The following CTNND2 variants were observed in gnomAD, a reference collection of about 807,000 sequenced individuals.
The protein encoded by CTNND2 is catenin delta-2.
In CTNND2, 22 loss-of-function variants were observed where a neutral mutation model predicts 144.4. That is an observed-to-expected ratio of 0.15 (90% confidence interval 0.11 to 0.22). The LOEUF (loss-of-function observed/expected upper bound fraction) is 0.22, where lower values mean the gene tolerates loss of function less well. Ranked by LOEUF, CTNND2 falls within the 10% of genes least tolerant of loss-of-function variation. The pLI, the probability that CTNND2 is intolerant of heterozygous loss-of-function variation, is 1.00. For synonymous variants in CTNND2, 751 were observed against 695.6 expected (o/e 1.08, Z -1.25); for missense variants, 1,353 against 1,618.8 (o/e 0.84, Z 2.82).
intron 18 of CTNND2, among the ~76,000 whole-genome samples, chr5:10,996,441 G>C (rs1267534155): frequency 7.4e-6 from 1 of 134,534 alleles, no homozygotes; most frequent in Non-Finnish European, 1.6e-5. Context: ...CTCCAAGAAG[G>C]ACGTCTGTTC....
chr5:11,280,394 A>C (rs974441210), intron 9 of CTNND2, among the ~76,000 whole-genome samples: 18 of 152,318 alleles, frequency 1.2e-4, no homozygotes, highest in Non-Finnish European at 2.5e-4. Flanking sequence ...ATAGTTCCGG[A>C]GGGTGGTTAA....
chr5:11,238,753 T>C (rs999072450), intron 9 of CTNND2, among the ~76,000 whole-genome samples: 4 of 151,724 alleles, frequency 2.6e-5, no homozygotes, highest in Middle Eastern at 3.2e-3. Flanking sequence ...ACTATATATA[T>C]ACACACACAC....
intron 3 of CTNND2, among the ~76,000 whole-genome samples, chr5:11,454,742 A>T (rs1308278633): frequency 6.6e-6 from 1 of 151,968 alleles, no homozygotes; most frequent in East Asian, 1.9e-4. Context: ...CTGGGACTAC[A>T]GGAACGCACC....
chr5:11,172,677 G>A (rs1760048664), intron 11 of CTNND2, among the ~76,000 whole-genome samples: 1 of 152,220 alleles, frequency 6.6e-6, no homozygotes, highest in Admixed American at 6.5e-5. Context: ...AGGATGGAGA[G>A]CGCCAATGGG....
chr5:11,306,364 T>G (rs1414618386), intron 9 of CTNND2, among the ~76,000 whole-genome samples: 1 of 152,222 alleles, frequency 6.6e-6, no homozygotes, highest in Non-Finnish European at 1.5e-5. Flanking sequence ...CACTTATCCC[T>G]TCTTTCTTTG....
chr5:11,810,268 C>A (rs974361073), intron 1 of CTNND2, among the ~76,000 whole-genome samples: 9 of 151,886 alleles, frequency 5.9e-5, no homozygotes, highest in African/African-American at 2.2e-4. Context: ...AAGATTATGA[C>A]GTAAGCTTTA....
chr5:11,589,276 C>T (rs969582001), intron 2 of CTNND2, among the ~76,000 whole-genome samples: 5 of 132,964 alleles, frequency 3.8e-5, no homozygotes, highest in Middle Eastern at 4.0e-3. Flanking sequence ...TGTATGTTAA[C>T]ATTAAAACAC....
intron 13 of CTNND2, among the ~76,000 whole-genome samples, chr5:11,114,951 A>T (rs1487703215): frequency 6.7e-6 from 1 of 148,872 alleles, no homozygotes; most frequent in Non-Finnish European, 1.5e-5. Flanking sequence ...GAGTAACATC[A>T]CATCTGATCC....
intron 1 of CTNND2, among the ~76,000 whole-genome samples, chr5:11,881,988 C>T (rs1736152970): frequency 6.6e-6 from 1 of 151,892 alleles, no homozygotes; most frequent in South Asian, 2.1e-4. Flanking sequence ...ATGATTAGAG[C>T]TGTAGATCAT....
intron 2 of CTNND2, among the ~76,000 whole-genome samples, chr5:11,632,344 G>A (rs1781455087): frequency 6.6e-6 from 1 of 152,184 alleles, no homozygotes; most frequent in Non-Finnish European, 1.5e-5. Context: ...CTGCGGTGAG[G>A]AGGAGGACAT....
At chr5:11,152,692 T>C (rs560521058) in intron 12 of CTNND2, among the ~76,000 whole-genome samples, 4 of 152,272 alleles carry the variant, frequency 2.6e-5, no homozygotes, top group Middle Eastern at 3.4e-3. Context: ...CAGCCAACTG[T>C]CTTTTCTGAG....
At chr5:11,351,660 A>T (rs1755353198) in intron 8 of CTNND2, among the ~76,000 whole-genome samples, 1 of 152,208 alleles carries the variant, frequency 6.6e-6, no homozygotes, top group East Asian at 1.9e-4. Flanking sequence ...ATAAAATACA[A>T]GAATCTGGGC....
chr5:11,328,463 G>A (rs1463658645), intron 9 of CTNND2, among the ~76,000 whole-genome samples: 1 of 151,168 alleles, frequency 6.6e-6, no homozygotes, highest in East Asian at 2.0e-4. Flanking sequence ...CTTTTTTTTT[G>A]TTGTTGTTTT....
intron 3 of CTNND2, among the ~76,000 whole-genome samples, chr5:11,471,252 C>G (rs1478534072): frequency 1.3e-5 from 2 of 151,954 alleles, no homozygotes; most frequent in Admixed American, 6.6e-5. Context: ...GCTGGGATTA[C>G]AGGCCTGAGC....
intron 16 of CTNND2, among the ~76,000 whole-genome samples, chr5:11,046,017 A>G (rs2973486): frequency 0.43 from 65,526 of 151,904 alleles, 15,525 homozygotes; most frequent in East Asian, 0.82. Context: ...CTGCTGGCTC[A>G]GCAGCTGTTG....
intron 2 of CTNND2, among the ~76,000 whole-genome samples, chr5:11,666,462 T>C (rs1004969056): frequency 2.0e-5 from 3 of 152,222 alleles, no homozygotes; most frequent in African/African-American, 2.4e-5. Context: ...AGAGTTTTCA[T>C]AGATGGGATT....
intron 19 of CTNND2, 136 bp downstream of exon 19, chr5:10,992,415 A>G (rs1738785748): frequency 3.2e-6 from 4 of 1,245,706 alleles, no homozygotes; most frequent in Non-Finnish European, 4.6e-6. Context: ...TACAAAGAAC[A>G]GATTCATTTC....
chr5:11,346,653 TA>T (rs767572672), intron 8 of CTNND2, 26 bp from the exon 9 acceptor site: 2 of 1,430,576 alleles, frequency 1.4e-6, no homozygotes, highest in South Asian at 3.1e-5. Flanking sequence ...AGGGACAAAG[TA>T]AAAAATTGAG....
chr5:11,903,442 C>A lies in CTNND2; in HGVS notation c.37+375G>T. 1 of 925,406 alleles carries A rather than the reference C, an allele frequency of 1.1e-6. No individual in the cohort carries two copies. The highest frequency in any genetic ancestry group is 1.3e-6 in the Non-Finnish European group (1 of 760,150). The allele number at this position is 925,406 out of a possible 1,614,324, so 57.3% of individuals were successfully genotyped here. A position where few individuals can be genotyped will look rare whatever the true frequency, so the allele number is the denominator to read the frequency against. Reference sequence around the variant, plus strand: ...GAAGTCCTCCCCACCCCCACCCCGTCTCCTCCCGTATATTAGGGACGTCAT... The same window carrying A: ...GAAGTCCTCCCCACCCCCACCCCGTATCCTCCCGTATATTAGGGACGTCAT... On this transcript the variant is annotated intron_variant, in intron 1 of 21. Coordinates refer to ENST00000304623, the MANE Select transcript of CTNND2 (RefSeq NM_001332.4). This position sits in a 1 kb window ranked among gnomAD's most constrained non-coding sequence, Gnocchi z 5.4.
Sources: allele counts gnomAD v4.1 joint callset (sites outside exome capture counted in the v4.1 genomes callset), GRCh38; gene constraint gnomAD v4.1.1; non-coding constraint Gnocchi (gnomAD v3.1); transcripts MANE v1.5; gene names NCBI Gene and HGNC (gene_info 2026-07-23, HGNC 2026-07-21).